ADGRG1: variants seen among roughly 807,000 people sequenced by gnomAD.
The protein encoded by ADGRG1 is adhesion G protein-coupled receptor G1, also known as 7-transmembrane protein with no EGF-like N-terminal domains-1.
In ADGRG1, 53 loss-of-function variants were observed where a neutral mutation model predicts 73.5. The ratio of observed to expected loss-of-function variants is 0.72; its 90% confidence interval spans 0.58 to 0.91. ADGRG1 has a LOEUF of 0.91. ADGRG1 is among the 40% of genes least tolerant of loss of function. The probability of loss-of-function intolerance (pLI) is 0.00; values close to 1 mark genes in which losing one functional copy is unlikely to be tolerated. For missense variants in ADGRG1, 795 were observed against 871.8 expected, an observed-to-expected ratio of 0.91 and a Z score of 1.11; for synonymous variants, 394 against 374.4, an observed-to-expected ratio of 1.05 and a Z score of -0.60.
At chr16:57,655,008 CT>C in intron 5 of ADGRG1, 17 of 972,876 alleles carry the variant, frequency 1.7e-5, no homozygotes, top group Non-Finnish European at 2.1e-5. Context: ...GCGTGAGCCA[CT>C]GCACCCAGCC....
chr16:57,623,511 T>C (rs12921671), upstream of ADGRG1, among the ~76,000 whole-genome samples: 3,388 of 152,360 alleles, frequency 0.022, 117 homozygotes, highest in East Asian at 0.17. Flanking sequence ...TTCTATCATC[T>C]GAGCTGGCAC....
chr16:57,634,798 C>A (rs2038948594), intron 1 of ADGRG1, among the ~76,000 whole-genome samples: 1 of 152,224 alleles, frequency 6.6e-6, no homozygotes, highest in Non-Finnish European at 1.5e-5. Context: ...GAGATGGGCA[C>A]CCAATTCCCA....
chr16:57,628,068 C>CG, upstream of ADGRG1: 6 of 884,246 alleles, frequency 6.8e-6, no homozygotes, highest in South Asian at 5.5e-5. Context: ...GGGTCACCCC[C>CG]CGGGGGGACG....
chr16:57,653,497 C>A (rs1318336227), intron 4 of ADGRG1, 162 bp downstream of exon 4: 1 of 985,226 alleles, frequency 1.0e-6, no homozygotes, highest in East Asian at 1.1e-4. Context: ...CACATGCCCC[C>A]CAGGCTGAGC....
chr16:57,659,707 C>CA (rs1247812403), intron 11 of ADGRG1, 26 bp downstream of exon 11: 1 of 1,612,366 alleles, frequency 6.2e-7, no homozygotes, highest in East Asian at 2.2e-5. Context: ...GGGGGTGCCT[C>CA]AGACCTGCCT....
At chr16:57,624,281 C>A, upstream of ADGRG1, 1 of 405,750 alleles carries the variant, frequency 2.5e-6, no homozygotes, top group Non-Finnish European at 3.3e-6. Flanking sequence ...GGGAGGATCG[C>A]TTGAGCTCAG....
At chr16:57,630,880 G>A (rs2037665605) in intron 1 of ADGRG1, 1 of 847,936 alleles carries the variant, frequency 1.2e-6, no homozygotes, top group Non-Finnish European at 1.4e-6. Context: ...GATACAAGCT[G>A]GGGACCACGG....
At chr16:57,628,067 C>CA (rs2036206823), upstream of ADGRG1, 16 of 883,988 alleles carry the variant, frequency 1.8e-5, no homozygotes, top group South Asian at 8.3e-4. Context: ...CGGGTCACCC[C>CA]CCGGGGGGAC....
upstream of ADGRG1, chr16:57,622,945 G>A: frequency 1.0e-6 from 1 of 985,406 alleles, no homozygotes. Context: ...GTGACCCTGG[G>A]GGAGGGAGAA....
Position 57,628,764 on chromosome 16 carries a change from GC to G in ADGRG1, c.-72del. ...GGGGTGGATCCTGAAAGGTGGTCCAGCCGCCTGGCCCTGCGTGGGACCCTCC... is the reference window on the plus strand; with the variant it reads ...GGGGTGGATCCTGAAAGGTGGTCCAGCGCCTGGCCCTGCGTGGGACCCTCC... On this transcript the variant is annotated 5_prime_UTR_variant, in exon 1 of 14. Transcript: ENST00000562631. 1.0e-6 allele frequency: 1 copy of G among 985,594 alleles called. No homozygotes were observed. The highest frequency in any genetic ancestry group is 1.2e-6 in the Non-Finnish European group (1 of 830,012). 61.1% of individuals were successfully genotyped at this position (985,594 alleles called of 1,614,324 possible). A position where few individuals can be genotyped will look rare whatever the true frequency, so the allele number is the denominator to read the frequency against.
Position 57,663,753 on chromosome 16 carries a change from T to C in ADGRG1, c.*171T>C, listed in dbSNP as rs1316431289. ...TGGTGGACGGACTCCCGGGCTGGGC[T>C]TTTGAATTGGCCTTGGGGACTACTC... On this transcript the variant is annotated 3_prime_UTR_variant, in exon 14 of 14. Transcript: ENST00000562631. 13 of 731,138 alleles carry C rather than the reference T, an allele frequency of 1.8e-5. No individual in the cohort carries two copies. The East Asian group carries it at 3.5e-4, about 20-fold the overall frequency. The allele number at this position is 731,138 out of a possible 1,614,324, so 45.3% of individuals were successfully genotyped here.
chr16:57,659,709 G>C, intron 11 of ADGRG1, 28 bp downstream of exon 11: 1 of 1,611,952 alleles, frequency 6.2e-7, no homozygotes, highest in East Asian at 2.2e-5. Context: ...GGGTGCCTCA[G>C]ACCTGCCTCT....
Position 57,635,791 on chromosome 16 carries a change from A to G in ADGRG1, c.-36+6989A>G. ...GGCAGCCCAGGGAAAGGAGTGCACC[A>G]TGCTCCTTTGGATCCAGTTTTACGA... On this transcript the variant is annotated intron_variant, in intron 1 of 13. Transcript: ENST00000562631. 2.0e-6 allele frequency: 2 copies of G among 985,362 alleles called. 1 individual carries two copies. Among genetic ancestry groups the G allele is most frequent in the Middle Eastern group, 1.0e-3 (2 of 1,914 alleles). The allele number at this position is 985,362 out of a possible 1,614,324, so 61.0% of individuals were successfully genotyped here.
intron 6 of ADGRG1, 75 bp from the exon 7 acceptor site, chr16:57,655,801 G>GT: frequency 6.2e-7 from 1 of 1,613,612 alleles, no homozygotes; most frequent in Non-Finnish European, 8.5e-7. Context: ...TCTAGAGAGG[G>GT]TAAGGGGCTT....
Position 57,653,968 on chromosome 16 carries a change from C to T in ADGRG1, c.621-18C>T. The T allele has an allele frequency of 1.9e-6, 3 of 1,613,780 alleles. No homozygotes were observed. Among genetic ancestry groups the T allele is most frequent in the Non-Finnish European group, 2.5e-6 (3 of 1,180,034 alleles). On this transcript the variant is annotated intron_variant, in intron 4 of 13. Transcript: ENST00000562631. ...GGCCCCCTCCCCACCATCACCACCG[C>T]TTTCTCCTCCCTGCCAGGCAGTTGC... is the stretch of plus-strand genomic sequence containing the variant.
intron 1 of ADGRG1, among the ~76,000 whole-genome samples, chr16:57,649,839 GCA>G (rs1555545766): frequency 6.6e-6 from 1 of 151,802 alleles, no homozygotes; most frequent in Non-Finnish European, 1.5e-5. Context: ...GTGCAGTGGC[GCA>G]GTTATAGCTC....
intron 10 of ADGRG1, among the ~76,000 whole-genome samples, chr16:57,658,670 G>T (rs1257009643): frequency 2.0e-5 from 3 of 152,222 alleles, no homozygotes; most frequent in Admixed American, 6.5e-5. Flanking sequence ...TCAACACCCA[G>T]TTGCTCACAA....
chr16:57,622,784 G>A (rs996374252), upstream of ADGRG1: 60 of 985,272 alleles, frequency 6.1e-5, 2 homozygotes, highest in Non-Finnish European at 1.9e-5. Flanking sequence ...CGGCCACACT[G>A]TCTACCTTCT....
rs2043968647 is a variant in ADGRG1, at chr16:57,651,102, G to T, written c.65-98G>T. 3.7e-6 allele frequency: 6 copies of T among 1,602,452 alleles called. No individual in the cohort carries two copies. In the East Asian group the frequency reaches 1.3e-4, roughly 36 times the overall value. ...CCCTTGGAATGTGTGTGAATCTCAG[G>T]CTCCAGGTTCACATGTACTCAGCCT... On this transcript the variant is annotated intron_variant, in intron 2 of 13. Transcript: ENST00000562631.
Sources: allele counts gnomAD v4.1 joint callset (sites outside exome capture counted in the v4.1 genomes callset), GRCh38; gene constraint gnomAD v4.1.1; transcripts MANE v1.5; gene names NCBI Gene and HGNC (gene_info 2026-07-23, HGNC 2026-07-21).